The following DLGAP1 variants were observed in gnomAD, a reference collection of about 807,000 sequenced individuals.
DLGAP1 encodes disks large-associated protein 1.
In DLGAP1, 11 loss-of-function variants were observed where a neutral mutation model predicts 90.8. That is an observed-to-expected ratio of 0.12 (90% CI 0.08 to 0.20). The LOEUF is 0.20. DLGAP1 is among the 10% of genes least tolerant of loss of function. The pLI is 1.00. For synonymous variants in DLGAP1, 558 were observed against 540.7 expected, an observed-to-expected ratio of 1.03 and a Z score of -0.44; for missense variants, 1,050 against 1,333.8, an observed-to-expected ratio of 0.79 and a Z score of 3.31.
At chr18:3,784,301 C>A (rs949546855) in intron 5 of DLGAP1, among the ~76,000 whole-genome samples, 9 of 152,042 alleles carry the variant, frequency 5.9e-5, no homozygotes, top group South Asian at 2.1e-4. Flanking sequence ...CTTTCTTGGA[C>A]CCCCCCTAGT....
chr18:3,570,548 G>A (rs1273759486), intron 8 of DLGAP1, among the ~76,000 whole-genome samples: 1 of 151,876 alleles, frequency 6.6e-6, no homozygotes, highest in Admixed American at 6.6e-5. Flanking sequence ...CAAAGTGCTG[G>A]TTGCATGTCT....
intron 7 of DLGAP1, among the ~76,000 whole-genome samples, chr18:3,719,556 CAAAAAAAAAA>C (rs60129859): frequency 1.7e-5 from 1 of 58,426 alleles, no homozygotes; most frequent in African/African-American, 5.4e-5. Context: ...GACTCTGTCT[CAAAAAAAAAA>C]AAAAAAAAAA....
At chr18:4,006,672 G>T (rs1256659772) in intron 2 of DLGAP1, among the ~76,000 whole-genome samples, 9 of 149,860 alleles carry the variant, frequency 6.0e-5, no homozygotes, top group Non-Finnish European at 1.2e-4. Flanking sequence ...TTGAGACAGG[G>T]TATTGCTCTG....
chr18:3,906,981 C>T (rs558783384), intron 3 of DLGAP1, among the ~76,000 whole-genome samples: 2 of 152,202 alleles, frequency 1.3e-5, no homozygotes, highest in South Asian at 4.2e-4. Flanking sequence ...AAATAAAATG[C>T]AATTCAGTAT....
chr18:4,070,933 T>C (rs1055509336), intron 2 of DLGAP1, among the ~76,000 whole-genome samples: 2 of 152,176 alleles, frequency 1.3e-5, no homozygotes, highest in East Asian at 3.8e-4. Context: ...CATCAGAAAC[T>C]GGCCCCATCT....
intron 1 of DLGAP1, among the ~76,000 whole-genome samples, chr18:4,171,116 C>T (rs1432089174): frequency 1.2e-4 from 19 of 152,230 alleles, no homozygotes; most frequent in East Asian, 1.2e-3. Flanking sequence ...AACAATACAA[C>T]GTCTGCATTT....
At chr18:4,177,422 A>G (rs1319948903) in intron 1 of DLGAP1, among the ~76,000 whole-genome samples, 3 of 150,294 alleles carry the variant, frequency 2.0e-5, no homozygotes, top group African/African-American at 7.4e-5. Flanking sequence ...GCTGCTTCCA[A>G]GTTTGGTTTC....
chr18:3,741,639 A>C lies in DLGAP1; in HGVS notation c.1350+696T>G, dbSNP rs2063050832. Among the ~76,000 whole-genome samples the C allele has an allele frequency of 2.6e-5, 4 of 151,988 alleles. 1 individual carries two copies. Among genetic ancestry groups the C allele is most frequent in the Admixed American group, 2.6e-4 (4 of 15,242 alleles). ...TCACTGCCATCATTATCACCAACAC[A>C]CCAACATCACCACTATGGTCACCAT... On this transcript the variant is annotated intron_variant, in intron 6 of 12. Transcript: ENST00000315677.
At chr18:3,519,358 G>A (rs1231816191) in intron 10 of DLGAP1, among the ~76,000 whole-genome samples, 1 of 152,064 alleles carries the variant, frequency 6.6e-6, no homozygotes, top group Non-Finnish European at 1.5e-5. Flanking sequence ...TAAACCAATG[G>A]TCCCCAAACT....
In DLGAP1 at chr18:4,295,684, T is replaced by C. The variant is rs892185876; in HGVS notation, c.-266-144397A>G. Among the ~76,000 whole-genome samples, 8 of 152,312 alleles carry C rather than the reference T, an allele frequency of 5.3e-5. No homozygotes were observed. The East Asian group carries it at 1.5e-3, about 29-fold the overall frequency. ...GCAACCTGAGACAAATCACATATAC[T>C]CTCTGATCTTCTATTTCATTATCTG... On this transcript the variant is annotated intron_variant, in intron 1 of 12. Coordinates refer to ENST00000315677, the MANE Select transcript of DLGAP1 (RefSeq NM_004746.4).
intron 7 of DLGAP1, among the ~76,000 whole-genome samples, chr18:3,714,425 C>T (rs905948259): frequency 7.2e-5 from 11 of 152,120 alleles, no homozygotes; most frequent in African/African-American, 1.9e-4. Flanking sequence ...GAAGGGATGA[C>T]GGTACAACCC....
Position 3,645,701 on chromosome 18 carries a change from A to C in DLGAP1, c.1592-63453T>G, listed in dbSNP as rs532925828. ...ATAATTCCTTTTATATATTCCTGCC[A>C]TTGCATTCATTATATTAAGTCATAA... On this transcript the variant is annotated intron_variant, in intron 7 of 12. Coordinates refer to ENST00000315677, the MANE Select transcript of DLGAP1 (RefSeq NM_004746.4). Among the ~76,000 whole-genome samples, 4 of 152,298 alleles carry C rather than the reference A, an allele frequency of 2.6e-5. No homozygotes were observed. The South Asian group carries it at 8.3e-4, about 32-fold the overall frequency.
intron 1 of DLGAP1, among the ~76,000 whole-genome samples, chr18:4,156,947 G>A (rs867542711): frequency 7.9e-5 from 12 of 152,226 alleles, no homozygotes; most frequent in African/African-American, 2.7e-4. Context: ...AACTCTGGAA[G>A]CTCTAGGGTG....
chr18:4,278,743 G>A (rs576762182), intron 1 of DLGAP1, among the ~76,000 whole-genome samples: 24 of 110,526 alleles, frequency 2.2e-4, no homozygotes, highest in African/African-American at 1.4e-3. Context: ...ATATGAAAAT[G>A]TTATACACAC....
intron 5 of DLGAP1, among the ~76,000 whole-genome samples, chr18:3,807,859 C>T (rs1363386645): frequency 2.0e-5 from 3 of 152,192 alleles, no homozygotes; most frequent in Admixed American, 6.5e-5. Context: ...GGAGTTCTCT[C>T]CTCTCTATAG....
intron 7 of DLGAP1, among the ~76,000 whole-genome samples, chr18:3,690,404 A>G (rs577844772): frequency 1.3e-5 from 2 of 151,750 alleles, no homozygotes; most frequent in Non-Finnish European, 2.9e-5. Flanking sequence ...TTTTTAAACA[A>G]TATCAAGGAA....
intron 1 of DLGAP1, among the ~76,000 whole-genome samples, chr18:4,266,962 C>T (rs1352382556): frequency 6.6e-6 from 1 of 152,152 alleles, no homozygotes; most frequent in Non-Finnish European, 1.5e-5. Flanking sequence ...ACACTCATCT[C>T]AGGTGCTGAG....
chr18:3,714,001 G>A (rs1233427659), intron 7 of DLGAP1, among the ~76,000 whole-genome samples: 2 of 152,140 alleles, frequency 1.3e-5, no homozygotes, highest in African/African-American at 2.4e-5. Context: ...ATGTGCCCTG[G>A]GAAGCCGACT....
At chr18:3,738,985 C>T (rs1216775644) in intron 6 of DLGAP1, among the ~76,000 whole-genome samples, 1 of 150,750 alleles carries the variant, frequency 6.6e-6, no homozygotes, top group Non-Finnish European at 1.5e-5. Context: ...AGACACTTCT[C>T]AAAAGAAGAC....
Sources: allele counts gnomAD v4.1 joint callset (sites outside exome capture counted in the v4.1 genomes callset), GRCh38; gene constraint gnomAD v4.1.1; transcripts MANE v1.5; gene names NCBI Gene and HGNC (gene_info 2026-07-23, HGNC 2026-07-21).